The following KCNK2 variants were observed in gnomAD, a reference collection of about 807,000 sequenced individuals.
KCNK2 encodes potassium two pore domain channel subfamily K member 2.
KCNK2 carries 21 observed loss-of-function variants against 40.5 expected under a neutral mutation model. The observed-to-expected ratio is 0.52, with a 90% CI of 0.37 to 0.75. The LOEUF (loss-of-function observed/expected upper bound fraction) is 0.75. Among genes scored for constraint, KCNK2 ranks in the 30% least tolerant of loss-of-function variants. The pLI is 0.00. For missense variants in KCNK2, 399 were observed against 531.6 expected (o/e 0.75, Z 2.45); for synonymous variants, 191 against 202.2 (o/e 0.94, Z 0.47).
intron 3 of KCNK2, among the ~76,000 whole-genome samples, chr1:215,136,989 A>T (rs1661951151): frequency 2.0e-5 from 3 of 152,334 alleles, no homozygotes; most frequent in South Asian, 2.1e-4. Context: ...TGCCAAAAAA[A>T]TTTAATTTTT....
chr1:215,082,229 C>T (rs1214555178), upstream of KCNK2: 1 of 152,256 alleles, frequency 6.6e-6, no homozygotes, highest in Non-Finnish European at 1.5e-5. Context: ...TGAAGTGGGG[C>T]GAGCTGGTGA....
intron 6 of KCNK2, among the ~76,000 whole-genome samples, chr1:215,230,490 C>A (rs1210753471): frequency 7.7e-6 from 1 of 130,052 alleles, no homozygotes; most frequent in African/African-American, 3.1e-5. Flanking sequence ...CACACACACA[C>A]ACACACACAC....
At chr1:215,146,600 A>C (rs1662427567) in intron 3 of KCNK2, among the ~76,000 whole-genome samples, 1 of 152,166 alleles carries the variant, frequency 6.6e-6, no homozygotes, top group Admixed American at 6.5e-5. Flanking sequence ...ATACTTTCCC[A>C]GTCTGACAAG....
intron 1 of KCNK2, among the ~76,000 whole-genome samples, chr1:215,032,126 G>A (rs11120469): frequency 0.013 from 1,891 of 146,918 alleles, 38 homozygotes; most frequent in African/African-American, 0.046. Flanking sequence ...TTTTTTAGAA[G>A]GGCAGGGACA....
Position 215,049,110 on chromosome 1 carries a change from T to G in KCNK2, c.35-37258T>G, listed in dbSNP as rs548511499. On this transcript the variant is annotated intron_variant, in intron 1 of 6. Transcript: ENST00000391895. ...ATAATATTTTACATTCCCATCAGCG[T>G]TATATGAGTGATCCAGTTTCTTCAC... 2.6e-5 allele frequency among the ~76,000 whole-genome samples: 4 copies of G among 152,320 alleles called. No individual in the cohort carries two copies. The South Asian group carries it at 6.2e-4, about 24-fold the overall frequency.
At chr1:215,062,555 A>T (rs1658397637) in intron 1 of KCNK2, among the ~76,000 whole-genome samples, 1 of 150,960 alleles carries the variant, frequency 6.6e-6, no homozygotes, top group Admixed American at 6.6e-5. Flanking sequence ...TCTACACCTG[A>T]TATGATTTAG....
chr1:215,149,641 C>T (rs906511077), intron 3 of KCNK2, among the ~76,000 whole-genome samples: 3 of 151,994 alleles, frequency 2.0e-5, no homozygotes, highest in Admixed American at 6.6e-5. Context: ...TAAGCTAGTA[C>T]GATTATTTTT....
chr1:215,091,172 A>G (rs1474545111), intron 2 of KCNK2, among the ~76,000 whole-genome samples: 2 of 152,158 alleles, frequency 1.3e-5, no homozygotes, highest in Non-Finnish European at 2.9e-5. Flanking sequence ...TGTGAAAGGA[A>G]ACTTGATTTT....
chr1:215,118,504 G>A (rs1336925369), intron 2 of KCNK2, among the ~76,000 whole-genome samples: 3 of 152,080 alleles, frequency 2.0e-5, no homozygotes, highest in Admixed American at 6.6e-5. Context: ...GATTGGATTC[G>A]TTATCTAAAG....
At chr1:215,208,289 T>C (rs1665403857) in intron 6 of KCNK2, among the ~76,000 whole-genome samples, 1 of 152,096 alleles carries the variant, frequency 6.6e-6, no homozygotes, top group Non-Finnish European at 1.5e-5. Flanking sequence ...TTCTCACTTA[T>C]AATGGGAGCT....
At chr1:215,120,438 A>C (rs191726486) in intron 2 of KCNK2, among the ~76,000 whole-genome samples, 1 of 152,338 alleles carries the variant, frequency 6.6e-6, no homozygotes, top group East Asian at 1.9e-4. Flanking sequence ...AATATTTTTG[A>C]ATAAATGAAC....
chr1:215,216,321 T>A (rs998088880), intron 6 of KCNK2, among the ~76,000 whole-genome samples: 5 of 150,184 alleles, frequency 3.3e-5, no homozygotes, highest in Middle Eastern at 3.5e-3. Flanking sequence ...TAGCACTTCA[T>A]AAAGTAACCA....
chr1:215,187,751 T>C (rs1425276582), intron 5 of KCNK2, among the ~76,000 whole-genome samples: 1 of 150,278 alleles, frequency 6.7e-6, no homozygotes, highest in Non-Finnish European at 1.5e-5. Context: ...TCCTTAACAC[T>C]CCTTTTCAGA....
chr1:215,230,133 T>G (rs115533614), intron 6 of KCNK2, among the ~76,000 whole-genome samples: 1,906 of 128,418 alleles, frequency 0.015, 46 homozygotes, highest in African/African-American at 0.053. Flanking sequence ...ACACACACGG[T>G]CATGCATTGC....
chr1:215,133,519 T>C (rs1322061729), intron 3 of KCNK2, among the ~76,000 whole-genome samples: 1 of 152,154 alleles, frequency 6.6e-6, no homozygotes, highest in Non-Finnish European at 1.5e-5. Context: ...TTTTTTTCTA[T>C]GTGTCTCGGG....
intron 5 of KCNK2, among the ~76,000 whole-genome samples, chr1:215,191,978 A>T (rs1664685677): frequency 6.6e-6 from 1 of 152,200 alleles, no homozygotes; most frequent in South Asian, 2.1e-4. Context: ...ATTACACTCG[A>T]TTCTTAGTAA....
chr1:215,067,069 G>A (rs1013209350), intron 1 of KCNK2, among the ~76,000 whole-genome samples: 2 of 152,098 alleles, frequency 1.3e-5, no homozygotes, highest in African/African-American at 4.8e-5. Context: ...AAAAACGAAC[G>A]GGGTGGGCTG....
At position 215,226,418 on chromosome 1, in the gene KCNK2, C is replaced by T. The variant is rs986518381; in HGVS notation, c.964-8410C>T. 3.9e-5 allele frequency among the ~76,000 whole-genome samples: 6 copies of T among 152,178 alleles called. No homozygotes were observed. In the South Asian group the frequency reaches 1.2e-3, roughly 32 times the overall value. On this transcript the variant is annotated intron_variant, in intron 6 of 6. Transcript: ENST00000444842. Reference sequence around the variant, plus strand: ...TCGGCTCACTGTAACCTCCGCCTCCCGGGTTCAAGCGATTCTCTTGCCTCA... The same window carrying T: ...TCGGCTCACTGTAACCTCCGCCTCCTGGGTTCAAGCGATTCTCTTGCCTCA...
At chr1:215,232,648 C>T (rs1385507069) in intron 6 of KCNK2, among the ~76,000 whole-genome samples, 1 of 152,092 alleles carries the variant, frequency 6.6e-6, no homozygotes, top group Non-Finnish European at 1.5e-5. Context: ...TATAGGTGAA[C>T]ATTTGAATTT....
Sources: allele counts gnomAD v4.1 joint callset (sites outside exome capture counted in the v4.1 genomes callset), GRCh38; gene constraint gnomAD v4.1.1; transcripts MANE v1.5; gene names NCBI Gene and HGNC (gene_info 2026-07-23, HGNC 2026-07-21).